Variants in CRY2 observed in about 807,000 individuals in gnomAD.
CRY2 encodes cryptochrome circadian regulator 2.
CRY2 carries 31 observed loss-of-function variants against 69.5 expected under a neutral mutation model. The ratio of observed to expected loss-of-function variants is 0.45; its 90% CI spans 0.34 to 0.60. The LOEUF is 0.60. CRY2 is among the 20% of genes least tolerant of loss of function. The pLI, the probability that CRY2 is intolerant of heterozygous loss-of-function variation, is 0.02. For synonymous variants in CRY2, 303 were observed against 312.2 expected, an observed-to-expected ratio of 0.97 and a Z score of 0.31; for missense variants, 606 against 797.8, an observed-to-expected ratio of 0.76 and a Z score of 2.90.
chr11:45,847,733 G>A, intron 1 of CRY2, 28 bp downstream of exon 1: 1 of 1,528,826 alleles, frequency 6.5e-7, no homozygotes. Flanking sequence ...TGGGTGGCGG[G>A]GACGCAGCCA....
At chr11:45,847,119 G>C, upstream of CRY2, 5 of 1,462,550 alleles carry the variant, frequency 3.4e-6, no homozygotes, top group Non-Finnish European at 4.6e-6. Context: ...AGCCCAGGCA[G>C]CTTCTTCTAG....
chr11:45,848,279 C>T (rs2086168422), intron 1 of CRY2, among the ~76,000 whole-genome samples: 1 of 152,304 alleles, frequency 6.6e-6, no homozygotes, highest in African/African-American at 2.4e-5. Flanking sequence ...ATAAGGTCTT[C>T]TCCCCTATAT....
At position 45,860,997 on chromosome 11, in the gene CRY2, A is replaced by G; in HGVS notation, c.617A>G (p.Asp206Gly). 6.2e-7 allele frequency: 1 copy of G among 1,613,708 alleles called. No homozygotes were observed. Among genetic ancestry groups the G allele is most frequent in the East Asian group, 2.2e-5 (1 of 44,888 alleles). ...AGGGCCGAGATCCAGGAGAACCACG[A>G]CGAGACCTACGGCGTGCCCTCCCTG... ...SCRAEIQENH[D>G]ETYGVPSLEE... Residue 206 changes from aspartate to glycine, a missense_variant, in exon 4 of 12, where the codon GAC becomes GGC. Coordinates refer to ENST00000616080, the MANE Select transcript of CRY2 (RefSeq NM_021117.5).
chr11:45,858,235 G>A (rs1265866715), intron 2 of CRY2: 2 of 153,354 alleles, frequency 1.3e-5, no homozygotes, highest in African/African-American at 4.8e-5. Context: ...GTTTGCTATT[G>A]GCCTCAGGAG....
intron 11 of CRY2, among the ~76,000 whole-genome samples, chr11:45,876,497 G>A (rs1274314353): frequency 6.6e-6 from 1 of 152,176 alleles, no homozygotes; most frequent in Non-Finnish European, 1.5e-5. Context: ...TGACTGCTCC[G>A]GATTCCATTA....
At position 45,870,498 on chromosome 11, in the gene CRY2, G is replaced by A; in HGVS notation, c.1515G>A (p.Gln505=). The change falls in exon 9 of 12, where the codon CAG becomes CAA. Residue 505 remains glutamine, a synonymous_variant. Transcript: ENST00000616080. The part of the protein sequence containing the change: ...TSRLNIERMK[Q]IYQQLSRYRG... Reference sequence around the variant, plus strand: ...GGCTTAACATTGAACGAATGAAGCAGATTTACCAGCAGCTTTCGCGCTACC... The same window carrying A: ...GGCTTAACATTGAACGAATGAAGCAAATTTACCAGCAGCTTTCGCGCTACC... The A allele has an allele frequency of 6.2e-7, 1 of 1,614,210 alleles. No homozygotes were observed.
At chr11:45,870,762 C>A in intron 9 of CRY2, 80 bp from the exon 10 acceptor site, 1 of 1,276,416 alleles carries the variant, frequency 7.8e-7, no homozygotes, top group Non-Finnish European at 1.1e-6. Flanking sequence ...CCCTCCCCAC[C>A]CCCACTTGCT....
At chr11:45,858,455 C>A in intron 2 of CRY2, 1 of 369,940 alleles carries the variant, frequency 2.7e-6, no homozygotes, top group Non-Finnish European at 4.9e-6. Flanking sequence ...CTGCATTCTC[C>A]TACCTCAAGG....
rs1428415138 is a variant in CRY2, at chr11:45,869,948, T to G, written c.1195-105T>G. On this transcript the variant is annotated intron_variant, in intron 7 of 11. Transcript: ENST00000616080. ...AGATCCCCTCCAGATCCTCTGTGGC[T>G]TGCCTTCAATGGAAGGGTTTTGGCT... The G allele has an allele frequency of 7.3e-6, 11 of 1,511,686 alleles. No individual in the cohort carries two copies. In the African/African-American group the frequency reaches 1.5e-4, roughly 21 times the overall value. 93.6% of individuals were successfully genotyped at this position (1,511,686 alleles called of 1,614,324 possible). A position where few individuals can be genotyped will look rare whatever the true frequency, so the allele number is the denominator to read the frequency against.
Position 45,870,393 on chromosome 11 carries a change from A to C in CRY2, c.1410A>C (p.Pro470=), listed in dbSNP as rs748496381. 4 of 1,614,256 alleles carry C rather than the reference A, an allele frequency of 2.5e-6. No individual in the cohort carries two copies. The East Asian group carries it at 8.9e-5, about 36-fold the overall frequency. Residue 470 remains proline (P), a synonymous_variant, in exon 9 of 12, where the codon CCA becomes CCC. Coordinates refer to ENST00000616080, the MANE Select transcript of CRY2 (RefSeq NM_021117.5). ...ACATCTATGAGCCCTGGAATGCCCC[A>C]GAGTCAATTCAGAAGGCAGCCAAGT... The part of the protein sequence containing the change: ...SRYIYEPWNA[P]ESIQKAAKCI...
chr11:45,869,874 G>A, intron 7 of CRY2, 57 bp downstream of exon 7: 1 of 1,546,442 alleles, frequency 6.5e-7, no homozygotes, highest in Non-Finnish European at 8.7e-7. Context: ...CCCGTCAAAG[G>A]GCAGCCCCCT....
intron 11 of CRY2, among the ~76,000 whole-genome samples, chr11:45,879,945 C>G (rs755631544): frequency 1.3e-5 from 2 of 152,198 alleles, no homozygotes; most frequent in Non-Finnish European, 2.9e-5. Flanking sequence ...TCTAAATTTC[C>G]TCTTCCTTTA....
Position 45,847,691 on chromosome 11 carries a change from G to C in CRY2, c.201G>C (p.Gly67=), listed in dbSNP as rs1424574169. The change falls in exon 1 of 12, where the codon GGG becomes GGC. Residue 67 remains glycine (G), a synonymous_variant. Coordinates refer to ENST00000616080, the MANE Select transcript of CRY2 (RefSeq NM_021117.5). The stretch of plus-strand genomic sequence containing the variant: ...GGTTCGCGGCCTCCTCCTCAGTCGG[G>C]ATCAACCGATGGAGGTGAGGGGACC... ...DPWFAASSSV[G]INRWRFLLQS... 1.3e-6 allele frequency: 2 copies of C among 1,573,802 alleles called. No individual in the cohort carries two copies. Among genetic ancestry groups the C allele is most frequent in the African/African-American group, 1.4e-5 (1 of 74,070 alleles).
At chr11:45,879,176 C>T (rs1053104800) in intron 11 of CRY2, among the ~76,000 whole-genome samples, 30 of 151,820 alleles carry the variant, frequency 2.0e-4, no homozygotes, top group Non-Finnish European at 3.5e-4. Context: ...TTGCAGTGAG[C>T]CAAGATCACT....
chr11:45,858,084 T>C (rs544288701), intron 2 of CRY2, among the ~76,000 whole-genome samples: 15 of 152,332 alleles, frequency 9.8e-5, no homozygotes, highest in African/African-American at 3.4e-4. Flanking sequence ...ATCTAGAAAT[T>C]CCTACCAGAA....
chr11:45,860,713 C>T (rs1565058659), intron 3 of CRY2, 135 bp from the exon 4 acceptor site: 3 of 923,994 alleles, frequency 3.2e-6, no homozygotes. Context: ...CTCCTTTCCA[C>T]TCAGGCATGG....
intron 6 of CRY2, among the ~76,000 whole-genome samples, chr11:45,868,333 C>G (rs1402367942): frequency 6.6e-6 from 1 of 152,116 alleles, no homozygotes; most frequent in Non-Finnish European, 1.5e-5. Flanking sequence ...TCATCTTGTG[C>G]CTATGTTTTT....
intron 6 of CRY2, among the ~76,000 whole-genome samples, chr11:45,869,067 AC>A (rs2086353669): frequency 6.6e-6 from 1 of 152,184 alleles, no homozygotes; most frequent in Non-Finnish European, 1.5e-5. Flanking sequence ...TTTCTTAATT[AC>A]CTTATGGCCC....
At position 45,860,952 on chromosome 11, in the gene CRY2, G is replaced by A; in HGVS notation, c.572G>A (p.Ser191Asn). 2 of 1,614,140 alleles carry A rather than the reference G, an allele frequency of 1.2e-6. No homozygotes were observed. The highest frequency in any genetic ancestry group is 1.7e-6 in the Non-Finnish European group (2 of 1,180,046). ...LPKKPVGLVT[S>N]QQMESCRAEI... is the part of the protein sequence containing the mutation. The stretch of plus-strand genomic sequence containing the variant: ...AAGAAGCCAGTGGGCTTGGTGACCA[G>A]CCAGCAGATGGAGAGCTGCAGGGCC... The change falls in exon 4 of 12, where the codon AGC becomes AAC. Residue 191 changes from serine (S) to asparagine (N), a missense_variant. Coordinates refer to ENST00000616080, the MANE Select transcript of CRY2 (RefSeq NM_021117.5).
Sources: gnomAD v4.1 joint callset for allele counts (sites outside exome capture counted in the v4.1 genomes callset) on GRCh38, gnomAD v4.1.1 for gene constraint, MANE v1.5 for transcripts, NCBI Gene and HGNC (gene_info 2026-07-23, HGNC 2026-07-21) for gene names.